ANK1: variants seen among roughly 807,000 people sequenced by gnomAD.
The protein encoded by ANK1 is ankyrin-1.
A neutral mutation model predicts 210.4 loss-of-function variants in ANK1; 51 were observed. The observed-to-expected ratio is 0.24, with a 90% CI of 0.19 to 0.31. ANK1 has a LOEUF of 0.31. ANK1 is among the 10% of genes least tolerant of loss of function. ANK1 has a pLI of 1.00. For synonymous variants in ANK1, 967 were observed against 1,025.9 expected, an observed-to-expected ratio of 0.94 and a Z score of 1.10; for missense variants, 2,051 against 2,504.4, an observed-to-expected ratio of 0.82 and a Z score of 3.86.
chr8:41,879,194 G>A (rs928312564), intron 1 of ANK1, among the ~76,000 whole-genome samples: 1 of 152,172 alleles, frequency 6.6e-6, no homozygotes, highest in African/African-American at 2.4e-5. Flanking sequence ...CTAGAGAGCC[G>A]TGACCTGGGG....
chr8:41,886,486 C>T (rs532221700), intron 1 of ANK1, among the ~76,000 whole-genome samples: 15 of 152,318 alleles, frequency 9.8e-5, no homozygotes, highest in East Asian at 1.9e-4. Context: ...TGCTTCCTGA[C>T]GCATGCTAAA....
chr8:41,684,521 C>A, intron 37 of ANK1, 23 bp downstream of exon 37: 1 of 1,613,322 alleles, frequency 6.2e-7, no homozygotes, highest in South Asian at 1.1e-5. Flanking sequence ...GCTCAGTCCC[C>A]ATCTGGTCCA....
At chr8:41,875,914 G>A (rs1055979595) in intron 1 of ANK1, among the ~76,000 whole-genome samples, 1 of 152,084 alleles carries the variant, frequency 6.6e-6, no homozygotes, top group Non-Finnish European at 1.5e-5. Flanking sequence ...TCATTTCTCC[G>A]GCTGCATCCG....
At chr8:41,786,671 C>G (rs575411874) in intron 1 of ANK1, among the ~76,000 whole-genome samples, 27 of 152,326 alleles carry the variant, frequency 1.8e-4, no homozygotes, top group Admixed American at 2.0e-4. Context: ...CACCAGGCCC[C>G]TTTGTGGTGG....
chr8:41,863,219 C>T (rs1379486949), intron 1 of ANK1, among the ~76,000 whole-genome samples: 1 of 150,908 alleles, frequency 6.6e-6, no homozygotes, highest in Non-Finnish European at 1.5e-5. Flanking sequence ...ATTAGCTGGG[C>T]GTTGTGGCGG....
At position 41,653,910 on chromosome 8, in the gene ANK1, G is replaced by T. The variant is rs1238270293; in HGVS notation, c.*1880C>A. 2.0e-5 allele frequency: 3 copies of T among 152,152 alleles called. No homozygotes were observed. The highest frequency in any genetic ancestry group is 4.4e-5 in the Non-Finnish European group (3 of 68,028). 9.4% of individuals were successfully genotyped at this position (152,152 alleles called of 1,614,324 possible). A position where few individuals can be genotyped will look rare whatever the true frequency, so the allele number is the denominator to read the frequency against. On this transcript the variant is annotated 3_prime_UTR_variant, in exon 43 of 43. Transcript: ENST00000289734. The stretch of plus-strand genomic sequence containing the variant: ...AGCAGCCCCACCCCCGGCCGACAAG[G>T]CGCCTAGGCCGCCCCGGGGCCTGCC...
rs368117229 is a variant in ANK1, at chr8:41,707,096, T to C, written c.1999-855A>G. On this transcript the variant is annotated intron_variant, in intron 17 of 42. Coordinates refer to ENST00000289734, the MANE Select transcript of ANK1 (RefSeq NM_000037.4). ...GCCTAGGTGACAGAGCAAGACTCCA[T>C]CTTAAATAAATAAATAAATAATGTA... 8.5e-5 allele frequency among the ~76,000 whole-genome samples: 13 copies of C among 152,294 alleles called. 1 individual carries two copies. In the East Asian group the frequency reaches 2.1e-3, roughly 25 times the overall value.
chr8:41,812,773 A>G (rs1350903827), intron 1 of ANK1, among the ~76,000 whole-genome samples: 1 of 152,150 alleles, frequency 6.6e-6, no homozygotes, highest in Non-Finnish European at 1.5e-5. Context: ...AGATCATCAG[A>G]CATTAGTTAA....
intron 1 of ANK1, among the ~76,000 whole-genome samples, chr8:41,856,631 A>G (rs1365399310): frequency 6.6e-6 from 1 of 152,180 alleles, no homozygotes; most frequent in Non-Finnish European, 1.5e-5. Flanking sequence ...AAATCACAAA[A>G]TACTCCAAAA....
chr8:41,737,855 G>T (rs556067032), intron 2 of ANK1, among the ~76,000 whole-genome samples: 2 of 152,282 alleles, frequency 1.3e-5, no homozygotes, highest in South Asian at 4.1e-4. Context: ...TCAGCCACAG[G>T]TGTGGACACT....
chr8:41,773,924 C>T (rs1332782999), intron 1 of ANK1, among the ~76,000 whole-genome samples: 4 of 152,328 alleles, frequency 2.6e-5, no homozygotes, highest in African/African-American at 9.6e-5. Context: ...AATAAACAGG[C>T]ATCCAAACGC....
intron 1 of ANK1, among the ~76,000 whole-genome samples, chr8:41,827,098 T>C (rs1805518128): frequency 6.6e-6 from 1 of 152,268 alleles, no homozygotes; most frequent in Non-Finnish European, 1.5e-5. Flanking sequence ...CAACCTTGTC[T>C]TACACATAGT....
At chr8:41,813,912 A>G (rs938208581) in intron 1 of ANK1, among the ~76,000 whole-genome samples, 1 of 152,262 alleles carries the variant, frequency 6.6e-6, no homozygotes, top group Non-Finnish European at 1.5e-5. Context: ...CATTGGCTCC[A>G]TAAAGTCAAC....
At chr8:41,841,269 G>A (rs745619930) in intron 1 of ANK1, among the ~76,000 whole-genome samples, 19 of 152,202 alleles carry the variant, frequency 1.2e-4, no homozygotes, top group Non-Finnish European at 2.5e-4. Flanking sequence ...TACACTTAGT[G>A]AAATAAGCCA....
intron 2 of ANK1, among the ~76,000 whole-genome samples, chr8:41,747,062 C>T (rs1482465695): frequency 6.6e-6 from 1 of 152,038 alleles, no homozygotes; most frequent in East Asian, 1.9e-4. Flanking sequence ...AACGTAACAG[C>T]TTGCAGAAAA....
In ANK1 at chr8:41,718,256, A is replaced by C. The variant is rs774685856; in HGVS notation, c.1108-52T>G. The C allele has an allele frequency of 5.0e-6, 8 of 1,584,286 alleles. No homozygotes were observed. In the South Asian group the frequency reaches 7.8e-5, roughly 15 times the overall value. ...CAAGCAGGAGCTTACACACGGGCCC[A>C]AGGAACGCCCAGAAGACCACCTGGC... On this transcript the variant is annotated intron_variant, in intron 10 of 42. Transcript: ENST00000289734.
At chr8:41,821,136 G>T (rs1804192706) in intron 1 of ANK1, among the ~76,000 whole-genome samples, 1 of 152,172 alleles carries the variant, frequency 6.6e-6, no homozygotes, top group Admixed American at 6.5e-5. Flanking sequence ...AAGTATATTT[G>T]GGGGTGGCAT....
intron 1 of ANK1, among the ~76,000 whole-genome samples, chr8:41,803,142 G>GGAAAGGAAAGAAAA: frequency 2.8e-5 from 4 of 140,452 alleles, no homozygotes; most frequent in African/African-American, 8.1e-5. Flanking sequence ...AGGAAAGAAA[G>GGAAAGGAAAGAAAA]GAAAGAAAGA....
rs1830571578 is a variant in ANK1, at chr8:41,725,893, G to T, written c.480C>A (p.Val160=). The change falls in exon 6 of 43, where the codon GTC becomes GTA. Residue 160 remains valine, a synonymous_variant. Transcript: ENST00000289734. ...VALQQGHENV[V]AHLINYGTKG... The stretch of plus-strand genomic sequence containing the variant: ...TGGTGCCGTAGTTGATGAGGTGCGC[G>T]ACGACGTTCTCATGGCCCTGCTGCA... 1.9e-6 allele frequency: 3 copies of T among 1,613,460 alleles called. No individual in the cohort carries two copies. Among genetic ancestry groups the T allele is most frequent in the Admixed American group, 1.7e-5 (1 of 60,012 alleles).
Sources: gnomAD v4.1 joint callset for allele counts (sites outside exome capture counted in the v4.1 genomes callset) on GRCh38, gnomAD v4.1.1 for gene constraint, MANE v1.5 for transcripts, NCBI Gene and HGNC (gene_info 2026-07-23, HGNC 2026-07-21) for gene names.